TSHZ2: variants seen among roughly 807,000 people sequenced by gnomAD.
The protein encoded by TSHZ2 is teashirt homolog 2.
In TSHZ2, 21 loss-of-function variants were observed where a neutral mutation model predicts 74.4. The observed-to-expected ratio is 0.28, with a 90% confidence interval of 0.20 to 0.41. TSHZ2 has a LOEUF of 0.41. Among genes scored for constraint, TSHZ2 ranks in the 10% least tolerant of loss-of-function variants. TSHZ2 has a pLI of 1.00. For synonymous variants in TSHZ2, 540 were observed against 515.3 expected (o/e 1.05, Z -0.65); for missense variants, 1,244 against 1,293.5 (o/e 0.96, Z 0.59).
intron 2 of TSHZ2, among the ~76,000 whole-genome samples, chr20:53,333,956 A>C (rs137948723): frequency 2.1e-3 from 324 of 152,316 alleles, no homozygotes; most frequent in Non-Finnish European, 3.6e-3. Context: ...CAGTCTAGAT[A>C]ATTCAGACCA....
At position 53,027,772 on chromosome 20, in the gene TSHZ2, A is replaced by T. The variant is rs148356976; in HGVS notation, c.40+54439A>T. Among the ~76,000 whole-genome samples, 4 of 152,258 alleles carry T rather than the reference A, an allele frequency of 2.6e-5. No individual in the cohort carries two copies. The East Asian group carries it at 7.7e-4, about 29-fold the overall frequency. On this transcript the variant is annotated intron_variant, in intron 1 of 2. Transcript: ENST00000371497. ...AGACTTCAACTCAAAAAAAGAAAAAAATGTAGAGACCCTGAAGGGACTTGA... is the reference window on the plus strand; with the variant it reads ...AGACTTCAACTCAAAAAAAGAAAAATATGTAGAGACCCTGAAGGGACTTGA...
At chr20:53,127,845 T>A (rs752006556) in intron 1 of TSHZ2, among the ~76,000 whole-genome samples, 1 of 152,314 alleles carries the variant, frequency 6.6e-6, no homozygotes, top group South Asian at 2.1e-4. Context: ...GAGGCATGAT[T>A]TGAACCCTGA....
At chr20:53,065,992 A>G (rs925246692) in intron 1 of TSHZ2, among the ~76,000 whole-genome samples, 1 of 152,154 alleles carries the variant, frequency 6.6e-6, no homozygotes, top group African/African-American at 2.4e-5. Flanking sequence ...TGACTTCCGC[A>G]GGGATCTGCA....
chr20:53,094,112 G>A (rs1221312402), intron 1 of TSHZ2, among the ~76,000 whole-genome samples: 1 of 150,988 alleles, frequency 6.6e-6, no homozygotes, highest in Non-Finnish European at 1.5e-5. Context: ...ATTTATTACT[G>A]TATCGTCTGC....
intron 1 of TSHZ2, among the ~76,000 whole-genome samples, chr20:53,156,126 C>A (rs1987788206): frequency 6.6e-6 from 1 of 152,140 alleles, no homozygotes; most frequent in Non-Finnish European, 1.5e-5. Context: ...CTCTAATTAG[C>A]CAGACCCACG....
intron 1 of TSHZ2, among the ~76,000 whole-genome samples, chr20:53,127,200 T>A (rs910205020): frequency 2.0e-5 from 3 of 152,220 alleles, no homozygotes; most frequent in Admixed American, 6.5e-5. Context: ...TAAATATGTA[T>A]TGAGTGCCCA....
rs563787407 is a variant in TSHZ2, at chr20:53,186,641, T to C, written c.41-66858T>C. ...GAGGTACCCCCATTATTGAAGAAGG[T>C]TTCTTTTCACCTGCCTGCAGGCATT... On this transcript the variant is annotated intron_variant, in intron 1 of 2. Transcript: ENST00000371497. Among the ~76,000 whole-genome samples, 16 of 152,254 alleles carry C rather than the reference T, an allele frequency of 1.1e-4. No homozygotes were observed. In the East Asian group the frequency reaches 2.9e-3, roughly 28 times the overall value.
chr20:53,259,715 A>G (rs1990563538), intron 2 of TSHZ2, among the ~76,000 whole-genome samples: 1 of 152,278 alleles, frequency 6.6e-6, no homozygotes, highest in Non-Finnish European at 1.5e-5. Context: ...GACAAAATAC[A>G]GAACGGATGT....
intron 1 of TSHZ2, among the ~76,000 whole-genome samples, chr20:53,244,582 A>G (rs1006982461): frequency 6.6e-6 from 1 of 152,204 alleles, no homozygotes; most frequent in Non-Finnish European, 1.5e-5. Context: ...TGTCACCAAG[A>G]CACGTCGCAA....
chr20:53,020,377 G>A (rs1428240711), intron 1 of TSHZ2, among the ~76,000 whole-genome samples: 2 of 152,034 alleles, frequency 1.3e-5, no homozygotes, highest in Non-Finnish European at 2.9e-5. Context: ...CAAGGTGGTG[G>A]TCAATATTTG....
chr20:53,172,444 G>T (rs1304247774), intron 1 of TSHZ2, among the ~76,000 whole-genome samples: 2 of 152,214 alleles, frequency 1.3e-5, no homozygotes, highest in African/African-American at 4.8e-5. Context: ...ATATTTAAAA[G>T]ATGTCTTAGG....
intron 2 of TSHZ2, among the ~76,000 whole-genome samples, chr20:53,283,809 C>T (rs1234116951): frequency 6.6e-6 from 1 of 152,188 alleles, no homozygotes; most frequent in Non-Finnish European, 1.5e-5. Context: ...AATTCAATTA[C>T]AGATTGGTCT....
At chr20:52,988,095 T>C (rs1981839332) in intron 1 of TSHZ2, among the ~76,000 whole-genome samples, 5 of 152,184 alleles carry the variant, frequency 3.3e-5, no homozygotes. Context: ...TTCTATGTAG[T>C]ACCGGTGATC....
intron 2 of TSHZ2, among the ~76,000 whole-genome samples, chr20:53,480,572 A>AC (rs1230026204): frequency 6.6e-6 from 1 of 151,908 alleles, no homozygotes; most frequent in Non-Finnish European, 1.5e-5. Flanking sequence ...ACCTTCTAAA[A>AC]AAAAAAAAAA....
At chr20:53,359,572 A>G (rs1980975401) in intron 2 of TSHZ2, among the ~76,000 whole-genome samples, 2 of 152,204 alleles carry the variant, frequency 1.3e-5, no homozygotes, top group Non-Finnish European at 2.9e-5. Flanking sequence ...GCCAACATTC[A>G]TTTGGCATAA....
At chr20:53,385,439 T>C (rs1982009304) in intron 2 of TSHZ2, among the ~76,000 whole-genome samples, 2 of 151,986 alleles carry the variant, frequency 1.3e-5, no homozygotes, top group African/African-American at 4.8e-5. Context: ...CCCCAAAGGA[T>C]CACTCACGCC....
intron 2 of TSHZ2, among the ~76,000 whole-genome samples, chr20:53,343,372 G>T (rs1209799786): frequency 6.6e-6 from 1 of 152,162 alleles, no homozygotes; most frequent in Non-Finnish European, 1.5e-5. Flanking sequence ...AACAAACACG[G>T]TAACTGCTGT....
intron 2 of TSHZ2, among the ~76,000 whole-genome samples, chr20:53,414,547 G>A (rs1467001792): frequency 6.6e-6 from 1 of 152,122 alleles, no homozygotes; most frequent in African/African-American, 2.4e-5. Flanking sequence ...CTTGAGCCCA[G>A]GAGTTCAAGG....
chr20:53,279,679 T>C (rs927970432), intron 2 of TSHZ2, among the ~76,000 whole-genome samples: 2 of 152,228 alleles, frequency 1.3e-5, no homozygotes, highest in Admixed American at 6.5e-5. Context: ...AAATGACATT[T>C]TCCTTTCCTT....
Sources: gnomAD v4.1 joint callset for allele counts (sites outside exome capture counted in the v4.1 genomes callset) on GRCh38, gnomAD v4.1.1 for gene constraint, MANE v1.5 for transcripts, NCBI Gene and HGNC (gene_info 2026-07-23, HGNC 2026-07-21) for gene names.